The following SVOP variants were observed in gnomAD, a reference collection of about 807,000 sequenced individuals.
SVOP encodes SV2 related protein.
A neutral mutation model predicts 69.1 loss-of-function variants in SVOP; 17 were observed. The ratio of observed to expected loss-of-function variants is 0.25; its 90% CI spans 0.17 to 0.37. The LOEUF (loss-of-function observed/expected upper bound fraction) is 0.37, where lower values mean the gene tolerates loss of function less well. Ranked by LOEUF, SVOP falls within the 10% of genes least tolerant of loss-of-function variation. The probability of loss-of-function intolerance (pLI) is 1.00; values close to 1 mark genes in which losing one functional copy is unlikely to be tolerated. For synonymous variants in SVOP, 238 were observed against 238.6 expected (o/e 1.00, Z 0.02); for missense variants, 435 against 597.5 (o/e 0.73, Z 2.84).
intron 1 of SVOP, among the ~76,000 whole-genome samples, chr12:109,016,504 C>T (rs1377786802): frequency 2.6e-5 from 4 of 152,150 alleles, no homozygotes; most frequent in African/African-American, 9.7e-5. Flanking sequence ...AGCAGTTTCC[C>T]CTCAAGCCAC....
At chr12:108,976,099 A>T (rs1490725812) in intron 4 of SVOP, among the ~76,000 whole-genome samples, 1 of 152,096 alleles carries the variant, frequency 6.6e-6, no homozygotes, top group African/African-American at 2.4e-5. Context: ...GTGTGTATTT[A>T]ACAAAATACA....
At chr12:108,931,479 T>C (rs2039818185) in intron 11 of SVOP, among the ~76,000 whole-genome samples, 1 of 152,196 alleles carries the variant, frequency 6.6e-6, no homozygotes, top group South Asian at 2.1e-4. Context: ...TTTTAAAACT[T>C]ACTAATGCTT....
chr12:109,000,944 G>A (rs953921604), intron 1 of SVOP, among the ~76,000 whole-genome samples: 2 of 150,462 alleles, frequency 1.3e-5, no homozygotes, highest in Admixed American at 6.7e-5. Flanking sequence ...TCAACATAGT[G>A]TTGGCAGTTC....
rs953345151 is a variant in SVOP, at chr12:108,994,502, A to C, written c.36-10741T>G. Among the ~76,000 whole-genome samples, 3 of 152,174 alleles carry C rather than the reference A, an allele frequency of 2.0e-5. No homozygotes were observed. In the South Asian group the frequency reaches 6.2e-4, roughly 32 times the overall value. ...TGGTGAACTCTGTCAAAAAATAATAAGAATAAAGAACAGCTGATATGGACC... is the reference window on the plus strand; with the variant it reads ...TGGTGAACTCTGTCAAAAAATAATACGAATAAAGAACAGCTGATATGGACC... On this transcript the variant is annotated intron_variant, in intron 1 of 15. Coordinates refer to ENST00000610966, the MANE Select transcript of SVOP (RefSeq NM_018711.5).
chr12:109,016,570 T>G (rs1310955647), intron 1 of SVOP, among the ~76,000 whole-genome samples: 1 of 152,144 alleles, frequency 6.6e-6, no homozygotes, highest in Non-Finnish European at 1.5e-5. Context: ...TTTTTCCCAA[T>G]TCAGGGCTTT....
intron 1 of SVOP, among the ~76,000 whole-genome samples, chr12:108,998,935 T>G (rs1187647710): frequency 6.7e-6 from 1 of 148,866 alleles, no homozygotes; most frequent in East Asian, 2.0e-4. Context: ...AACATCATAA[T>G]GACAGGATCA....
chr12:108,993,092 C>T (rs902701566), intron 1 of SVOP, among the ~76,000 whole-genome samples: 36 of 152,084 alleles, frequency 2.4e-4, no homozygotes, highest in African/African-American at 8.2e-4. Context: ...ACTGCAACCT[C>T]TGCCTCCCAG....
intron 10 of SVOP, among the ~76,000 whole-genome samples, chr12:108,935,557 G>A (rs894929760): frequency 1.3e-5 from 2 of 152,216 alleles, no homozygotes; most frequent in Non-Finnish European, 2.9e-5. Flanking sequence ...ATTCGGGGCA[G>A]AGCTAGAGTC....
At chr12:108,996,253 C>G (rs1273373201) in intron 1 of SVOP, among the ~76,000 whole-genome samples, 1 of 152,112 alleles carries the variant, frequency 6.6e-6, no homozygotes, top group Non-Finnish European at 1.5e-5. Flanking sequence ...GTCCTCAATA[C>G]TCAAAAACTT....
intron 1 of SVOP, among the ~76,000 whole-genome samples, chr12:109,007,665 A>G (rs563804118): frequency 1.3e-5 from 2 of 152,298 alleles, no homozygotes; most frequent in East Asian, 3.9e-4. Context: ...GCATCACTTC[A>G]GCATGCCAGG....
At chr12:108,964,796 C>T (rs1036262277) in intron 5 of SVOP, among the ~76,000 whole-genome samples, 2 of 152,142 alleles carry the variant, frequency 1.3e-5, no homozygotes, top group African/African-American at 4.8e-5. Flanking sequence ...ATAGCTCCTT[C>T]CTTCCTTCTT....
intron 6 of SVOP, among the ~76,000 whole-genome samples, chr12:108,946,271 T>C (rs999477841): frequency 1.3e-5 from 2 of 151,748 alleles, no homozygotes; most frequent in African/African-American, 2.4e-5. Flanking sequence ...CAATTTTTTT[T>C]TTTTTAATTG....
Position 109,021,054 on chromosome 12 carries a change from G to C in SVOP, c.-186C>G. ...CGAGACAAAGCCTCCGCCGCCAGGAGACCGCGGCGAGAGTGGGCGGAGAAG... is the reference window on the plus strand; with the variant it reads ...CGAGACAAAGCCTCCGCCGCCAGGACACCGCGGCGAGAGTGGGCGGAGAAG... On this transcript the variant is annotated 5_prime_UTR_variant, in exon 1 of 16. Coordinates refer to ENST00000610966, the MANE Select transcript of SVOP (RefSeq NM_018711.5). 1.8e-6 allele frequency: 1 copy of C among 564,038 alleles called. No individual in the cohort carries two copies. The highest frequency in any genetic ancestry group is 2.2e-5 in the South Asian group (1 of 46,396). 34.9% of individuals were successfully genotyped at this position (564,038 alleles called of 1,614,324 possible). A position where few individuals can be genotyped will look rare whatever the true frequency, so the allele number is the denominator to read the frequency against.
intron 5 of SVOP, among the ~76,000 whole-genome samples, chr12:108,966,345 G>A (rs755430697): frequency 7.2e-5 from 11 of 152,202 alleles, no homozygotes; most frequent in African/African-American, 1.2e-4. Context: ...CACACCTACA[G>A]TTTCCTTCAC....
At chr12:109,005,529 G>A (rs1306871577) in intron 1 of SVOP, among the ~76,000 whole-genome samples, 2 of 152,128 alleles carry the variant, frequency 1.3e-5, no homozygotes, top group African/African-American at 4.8e-5. Flanking sequence ...GGATGCTCTG[G>A]TTGGCAAGGT....
chr12:109,007,786 C>T (rs761812135), intron 1 of SVOP, among the ~76,000 whole-genome samples: 2 of 152,158 alleles, frequency 1.3e-5, no homozygotes, highest in Non-Finnish European at 2.9e-5. Context: ...TGCCTATAAT[C>T]CCAACACTTG....
At chr12:108,955,816 A>C (rs750101216) in intron 6 of SVOP, among the ~76,000 whole-genome samples, 2 of 152,212 alleles carry the variant, frequency 1.3e-5, no homozygotes, top group African/African-American at 2.4e-5. Flanking sequence ...CATTTTACAG[A>C]ATGTTGTCAT....
At chr12:108,951,057 G>A (rs747943916) in intron 6 of SVOP, among the ~76,000 whole-genome samples, 16 of 152,300 alleles carry the variant, frequency 1.1e-4, no homozygotes, top group Non-Finnish European at 1.6e-4. Flanking sequence ...TGGATCACGT[G>A]TTTGGAAAGC....
intron 1 of SVOP, among the ~76,000 whole-genome samples, chr12:108,996,803 G>A (rs1022227891): frequency 3.3e-5 from 5 of 151,946 alleles, no homozygotes; most frequent in African/African-American, 1.2e-4. Flanking sequence ...GTAGTGGCGT[G>A]TGCCTGCAGT....
Sources: allele counts gnomAD v4.1 joint callset (sites outside exome capture counted in the v4.1 genomes callset), GRCh38; gene constraint gnomAD v4.1.1; transcripts MANE v1.5; gene names NCBI Gene and HGNC (gene_info 2026-07-23, HGNC 2026-07-21).